Variants in BICRAL observed in about 807,000 individuals in gnomAD.
BICRAL encodes the protein BRD4-interacting chromatin-remodeling complex-associated protein-like.
A neutral mutation model predicts 91.8 loss-of-function variants in BICRAL; 8 were observed. The ratio of observed to expected loss-of-function variants is 0.09; its 90% CI spans 0.05 to 0.16. The LOEUF is 0.16. Ranked by LOEUF, BICRAL falls within the 10% of genes least tolerant of loss-of-function variation. The pLI, the probability that BICRAL is intolerant of heterozygous loss-of-function variation, is 1.00. For missense variants in BICRAL, 1,038 were observed against 1,310.9 expected, an observed-to-expected ratio of 0.79 and a Z score of 3.21; for synonymous variants, 445 against 491.1, an observed-to-expected ratio of 0.91 and a Z score of 1.24.
chr6:42,800,936 A>T (rs1763550236), intron 1 of BICRAL, among the ~76,000 whole-genome samples: 1 of 151,978 alleles, frequency 6.6e-6, no homozygotes, highest in South Asian at 2.1e-4. Flanking sequence ...TTTTAATCAG[A>T]TTGCTAATAC....
At chr6:42,776,684 C>T (rs985859549) in intron 1 of BICRAL, among the ~76,000 whole-genome samples, 1 of 152,160 alleles carries the variant, frequency 6.6e-6, no homozygotes, top group Non-Finnish European at 1.5e-5. Flanking sequence ...TTACTGAACT[C>T]TCCTCCAACC....
At chr6:42,761,007 C>T (rs1243376325) in intron 1 of BICRAL, among the ~76,000 whole-genome samples, 3 of 149,672 alleles carry the variant, frequency 2.0e-5, no homozygotes, top group Non-Finnish European at 4.4e-5. Context: ...GATCACGCCA[C>T]TGCATTTCAG....
rs781572060 is a variant in BICRAL, at chr6:42,860,256, T to A, written c.2255-6T>A. On this transcript the variant is annotated splice_region_variant and splice_polypyrimidine_tract_variant and intron_variant, in intron 10 of 12. Coordinates refer to ENST00000314073, the MANE Select transcript of BICRAL (RefSeq NM_001393499.1). The stretch of plus-strand genomic sequence containing the variant: ...TCACTATTTCTTTGTCTCTCTCTTT[T>A]TAAAGTGGACAATGAATTTGAGACA... 1 of 1,557,330 alleles carries A rather than the reference T, an allele frequency of 6.4e-7. No individual in the cohort carries two copies. The highest frequency in any genetic ancestry group is 8.9e-7 in the Non-Finnish European group (1 of 1,129,416).
upstream of BICRAL, among the ~76,000 whole-genome samples, chr6:42,746,515 G>A (rs1051061724): frequency 6.6e-6 from 1 of 151,666 alleles, no homozygotes; most frequent in Admixed American, 6.6e-5. Context: ...GGATGAGTGC[G>A]TGTGGTGGGT....
At chr6:42,856,191 C>T (rs1765345773) in intron 9 of BICRAL, among the ~76,000 whole-genome samples, 1 of 151,634 alleles carries the variant, frequency 6.6e-6, no homozygotes, top group Non-Finnish European at 1.5e-5. Context: ...GTGGTACGGG[C>T]CTGTAGTCCC....
At chr6:42,800,649 A>C (rs1763540301) in intron 1 of BICRAL, among the ~76,000 whole-genome samples, 1 of 151,424 alleles carries the variant, frequency 6.6e-6, no homozygotes, top group African/African-American at 2.4e-5. Context: ...TCCTGGGTTC[A>C]AGAGATTCTT....
intron 1 of BICRAL, among the ~76,000 whole-genome samples, chr6:42,767,316 C>T (rs753913343): frequency 1.3e-5 from 2 of 151,990 alleles, no homozygotes; most frequent in African/African-American, 2.4e-5. Context: ...TAATTAATGT[C>T]ATTTAATTTT....
At chr6:42,776,393 G>A (rs972616096) in intron 1 of BICRAL, among the ~76,000 whole-genome samples, 3 of 151,490 alleles carry the variant, frequency 2.0e-5, no homozygotes, top group Non-Finnish European at 4.4e-5. Context: ...TGTCGCCCAG[G>A]CTGGAGTGCA....
At chr6:42,807,558 G>A (rs544705066) in intron 1 of BICRAL, among the ~76,000 whole-genome samples, 8 of 151,442 alleles carry the variant, frequency 5.3e-5, no homozygotes, top group Admixed American at 3.3e-4. Flanking sequence ...ATTTCTAAAA[G>A]ATACAGATTC....
intron 2 of BICRAL, among the ~76,000 whole-genome samples, chr6:42,812,224 C>T (rs548518223): frequency 6.6e-6 from 1 of 152,190 alleles, no homozygotes; most frequent in African/African-American, 2.4e-5. Context: ...CTTTGTGTGG[C>T]GGAGGTGGCG....
chr6:42,852,503 A>G (rs1765219684), intron 7 of BICRAL: 1 of 455,730 alleles, frequency 2.2e-6, no homozygotes, highest in Non-Finnish European at 4.3e-6. Context: ...CTCTACTAAA[A>G]ATACAAAAAT....
upstream of BICRAL, among the ~76,000 whole-genome samples, chr6:42,777,760 T>C (rs1438550561): frequency 6.6e-6 from 1 of 152,236 alleles, no homozygotes; most frequent in Non-Finnish European, 1.5e-5. Context: ...TGTTAGAACA[T>C]TTCAATTATA....
At chr6:42,791,715 C>T (rs988233534) in intron 1 of BICRAL, among the ~76,000 whole-genome samples, 1 of 152,280 alleles carries the variant, frequency 6.6e-6, no homozygotes, top group Non-Finnish European at 1.5e-5. Context: ...CTTCTCACCT[C>T]GGCCTCCCAA....
rs141543636 is a variant in BICRAL at position 42,809,513 on chromosome 6, G to A, written c.-101-793G>A. On this transcript the variant is annotated intron_variant, in intron 1 of 12. Coordinates refer to ENST00000314073, the MANE Select transcript of BICRAL (RefSeq NM_001393499.1). ...GTGCAGTGGCACAATCTTGGCTCACGGCAACCTCTGCCTCCCAGGTTCAAG... is the reference window on the plus strand; with the variant it reads ...GTGCAGTGGCACAATCTTGGCTCACAGCAACCTCTGCCTCCCAGGTTCAAG... Among the ~76,000 whole-genome samples, 20 of 144,094 alleles carry A rather than the reference G, an allele frequency of 1.4e-4. No individual in the cohort carries two copies. The East Asian group carries it at 2.1e-3, about 15-fold the overall frequency. 94.5% of individuals were successfully genotyped at this position (144,094 alleles called of 152,430 possible). A position where few individuals can be genotyped will look rare whatever the true frequency, so the allele number is the denominator to read the frequency against.
chr6:42,841,616 C>T (rs1221594202), intron 6 of BICRAL, among the ~76,000 whole-genome samples: 1 of 152,178 alleles, frequency 6.6e-6, no homozygotes, highest in Non-Finnish European at 1.5e-5. Flanking sequence ...ACTTAAAAAT[C>T]TAGATGTTCT....
chr6:42,862,857 T>A (rs1765596226), intron 12 of BICRAL, among the ~76,000 whole-genome samples: 1 of 152,192 alleles, frequency 6.6e-6, no homozygotes, highest in Non-Finnish European at 1.5e-5. Context: ...TCCCTAGAAC[T>A]CACATTTTAG....
At chr6:42,864,623 A>G (rs1340758402) in intron 12 of BICRAL, 36 bp from the exon 13 acceptor site, 11 of 1,568,004 alleles carry the variant, frequency 7.0e-6, no homozygotes, top group East Asian at 2.2e-5. Flanking sequence ...TCCTCTCCCA[A>G]TCACTCACTA....
At chr6:42,835,812 T>C (rs1179380249) in intron 6 of BICRAL, among the ~76,000 whole-genome samples, 1 of 152,162 alleles carries the variant, frequency 6.6e-6, no homozygotes, top group Non-Finnish European at 1.5e-5. Flanking sequence ...TGTGCACCTG[T>C]AGTCCCAGCT....
At chr6:42,808,022 A>G (rs1377861096) in intron 1 of BICRAL, among the ~76,000 whole-genome samples, 1 of 152,148 alleles carries the variant, frequency 6.6e-6, no homozygotes, top group African/African-American at 2.4e-5. Context: ...CCTTATATTT[A>G]AAACCTGGGT....
Sources: gnomAD v4.1 joint callset for allele counts (sites outside exome capture counted in the v4.1 genomes callset) on GRCh38, gnomAD v4.1.1 for gene constraint, MANE v1.5 for transcripts, NCBI Gene and HGNC (gene_info 2026-07-23, HGNC 2026-07-21) for gene names.